KCNN2: variants seen among roughly 807,000 people sequenced by gnomAD.
The protein encoded by KCNN2 is potassium calcium-activated channel subfamily N member 2.
Under a neutral mutation model 55.5 loss-of-function variants are expected in KCNN2, and 24 were observed. The observed-to-expected ratio is 0.43, with a 90% confidence interval of 0.31 to 0.61. The LOEUF is 0.61. Among genes scored for constraint, KCNN2 ranks in the 20% least tolerant of loss-of-function variants. The pLI, the probability that KCNN2 is intolerant of heterozygous loss-of-function variation, is 0.08. For synonymous variants in KCNN2, 431 were observed against 336.1 expected (o/e 1.28, Z -3.09); for missense variants, 754 against 853.6 (o/e 0.88, Z 1.45).
intron 4 of KCNN2, among the ~76,000 whole-genome samples, chr5:114,470,125 A>T (rs530423728): frequency 2.0e-5 from 3 of 152,212 alleles, no homozygotes. Flanking sequence ...AGTAGCAGAA[A>T]AGAATGGAGC....
chr5:114,182,076 T>C (rs1168046360), intron 1 of KCNN2, among the ~76,000 whole-genome samples: 1 of 152,178 alleles, frequency 6.6e-6, no homozygotes, highest in Non-Finnish European at 1.5e-5. Context: ...TTTAAAAATA[T>C]GGATATCCAT....
chr5:114,345,748 C>T (rs1439993598), intron 2 of KCNN2, among the ~76,000 whole-genome samples: 1 of 152,060 alleles, frequency 6.6e-6, no homozygotes, highest in Non-Finnish European at 1.5e-5. Context: ...GCAGTAGCAT[C>T]TGCTTGGCTT....
At chr5:114,138,192 A>G (rs193239854) in intron 1 of KCNN2, among the ~76,000 whole-genome samples, 1 of 152,292 alleles carries the variant, frequency 6.6e-6, no homozygotes. Context: ...TTCTGTTGTT[A>G]AATTTGTCTG....
intron 2 of KCNN2, among the ~76,000 whole-genome samples, chr5:114,351,332 C>T (rs1241031681): frequency 6.6e-6 from 1 of 151,692 alleles, no homozygotes; most frequent in African/African-American, 2.4e-5. Flanking sequence ...TTTATTAGTT[C>T]TAAGAGCATT....
chr5:114,322,955 T>C (rs1756639787), intron 2 of KCNN2, among the ~76,000 whole-genome samples: 2 of 152,212 alleles, frequency 1.3e-5, no homozygotes, highest in African/African-American at 4.8e-5. Flanking sequence ...TCCTGTCCTC[T>C]TCCCACTCTC....
chr5:114,127,576 T>A (rs1375890597), intron 1 of KCNN2, among the ~76,000 whole-genome samples: 1 of 152,162 alleles, frequency 6.6e-6, no homozygotes, highest in Non-Finnish European at 1.5e-5. Flanking sequence ...CCTCTGGCCA[T>A]GTGATGGGAG....
intron 6 of KCNN2, among the ~76,000 whole-genome samples, chr5:114,488,247 C>G (rs1373360363): frequency 6.6e-6 from 1 of 152,106 alleles, no homozygotes; most frequent in Non-Finnish European, 1.5e-5. Flanking sequence ...ACTCAAGTAT[C>G]CTGAGATTTA....
intron 3 of KCNN2, among the ~76,000 whole-genome samples, chr5:114,431,054 C>CTTA (rs767966096): frequency 6.6e-6 from 1 of 151,998 alleles, no homozygotes; most frequent in Non-Finnish European, 1.5e-5. Flanking sequence ...GTCTTACGTC[C>CTTA]TTATAATCTC....
intron 1 of KCNN2, among the ~76,000 whole-genome samples, chr5:114,221,277 TTA>T (rs1283699023): frequency 6.6e-6 from 1 of 152,222 alleles, no homozygotes; most frequent in East Asian, 1.9e-4. Context: ...AGGAATTGTT[TTA>T]AAGATTTTCT....
intron 2 of KCNN2, among the ~76,000 whole-genome samples, chr5:114,239,568 C>T (rs1254031024): frequency 6.6e-6 from 1 of 152,186 alleles, no homozygotes; most frequent in Non-Finnish European, 1.5e-5. Flanking sequence ...CTATCTTTAT[C>T]AGTTGGAGGA....
chr5:114,157,446 A>T (rs1752660387), intron 1 of KCNN2, among the ~76,000 whole-genome samples: 1 of 152,092 alleles, frequency 6.6e-6, no homozygotes, highest in African/African-American at 2.4e-5. Flanking sequence ...TGCTATTGTG[A>T]ATAGTGCCGC....
intron 1 of KCNN2, among the ~76,000 whole-genome samples, chr5:114,106,553 TA>T: frequency 6.6e-6 from 1 of 151,952 alleles, no homozygotes; most frequent in African/African-American, 2.4e-5. Context: ...TTGTTTTTTT[TA>T]AAGCTATTTT....
At chr5:114,172,088 A>T (rs551571466) in intron 1 of KCNN2, among the ~76,000 whole-genome samples, 35 of 152,056 alleles carry the variant, frequency 2.3e-4, no homozygotes, top group African/African-American at 8.2e-4. Context: ...CTACAAACCT[A>T]TTGAAGATAA....
At chr5:114,380,839 T>G (rs888812479) in intron 2 of KCNN2, among the ~76,000 whole-genome samples, 1 of 152,142 alleles carries the variant, frequency 6.6e-6, no homozygotes, top group East Asian at 1.9e-4. Context: ...CAGGCCGTTA[T>G]TACAGTAGCA....
chr5:114,140,581 G>A (rs1468398016), intron 1 of KCNN2, among the ~76,000 whole-genome samples: 1 of 151,992 alleles, frequency 6.6e-6, no homozygotes. Flanking sequence ...GAAAATAACT[G>A]AAGAGAAAAA....
At chr5:114,106,826 G>A (rs11954178) in intron 1 of KCNN2, among the ~76,000 whole-genome samples, 25,432 of 151,726 alleles carry the variant, frequency 0.17, 2,219 homozygotes, top group Middle Eastern at 0.22. Context: ...CCACTCAGTG[G>A]TTTGACTTCT....
intron 3 of KCNN2, among the ~76,000 whole-genome samples, chr5:114,430,529 A>C (rs1406558822): frequency 3.9e-5 from 6 of 152,086 alleles, no homozygotes; most frequent in Admixed American, 3.9e-4. Context: ...TTTACAGAGA[A>C]AATTGTTTAT....
chr5:114,169,434 A>G (rs1436030392), intron 1 of KCNN2, among the ~76,000 whole-genome samples: 3 of 152,072 alleles, frequency 2.0e-5, no homozygotes, highest in Admixed American at 1.3e-4. Flanking sequence ...CATATGAAAA[A>G]GAATGCTGAA....
At chr5:114,359,115 G>A (rs374807638), upstream of KCNN2, among the ~76,000 whole-genome samples, 88 of 152,306 alleles carry the variant, frequency 5.8e-4, no homozygotes, top group African/African-American at 2.0e-3. Context: ...ACAGAAAGCC[G>A]ATAAATGTCT....
Sources: allele counts gnomAD v4.1 joint callset (sites outside exome capture counted in the v4.1 genomes callset), GRCh38; gene constraint gnomAD v4.1.1; transcripts MANE v1.5; gene names NCBI Gene and HGNC (gene_info 2026-07-23, HGNC 2026-07-21).